The following CRY1 variants were observed in gnomAD, a reference collection of about 807,000 sequenced individuals.
CRY1 encodes the protein cryptochrome-1.
Under a neutral mutation model 76.0 loss-of-function variants are expected in CRY1, and 45 were observed. That is an observed-to-expected ratio of 0.59 (90% CI 0.47 to 0.76). The LOEUF is 0.76. Ranked by LOEUF, CRY1 falls within the 30% of genes least tolerant of loss-of-function variation. The pLI is 0.00. For missense variants in CRY1, 587 were observed against 716.4 expected (o/e 0.82, Z 2.06); for synonymous variants, 248 against 244.0 (o/e 1.02, Z -0.15).
intron 1 of CRY1, among the ~76,000 whole-genome samples, chr12:107,033,842 C>T (rs935957906): frequency 6.7e-6 from 1 of 148,290 alleles, no homozygotes; most frequent in Non-Finnish European, 1.5e-5. Context: ...CTACTCCCAC[C>T]GCTTCTCTAT....
intron 3 of CRY1, among the ~76,000 whole-genome samples, chr12:107,003,737 T>G (rs1383811292): frequency 1.3e-5 from 2 of 152,174 alleles, no homozygotes; most frequent in Non-Finnish European, 2.9e-5. Flanking sequence ...CAAAACATTT[T>G]CTATATGTTA....
chr12:107,075,811 A>G (rs973467341), intron 1 of CRY1, among the ~76,000 whole-genome samples: 4 of 152,212 alleles, frequency 2.6e-5, no homozygotes, highest in African/African-American at 9.6e-5. Flanking sequence ...ATATTATGAT[A>G]GCAGTGGGAG....
intron 10 of CRY1, among the ~76,000 whole-genome samples, chr12:106,995,571 G>A (rs1952224880): frequency 6.6e-6 from 1 of 151,918 alleles, no homozygotes; most frequent in Non-Finnish European, 1.5e-5. Context: ...AATATAACCA[G>A]GTATTGACAT....
intron 1 of CRY1, among the ~76,000 whole-genome samples, chr12:107,065,274 G>A (rs541147242): frequency 3.3e-5 from 5 of 151,902 alleles, no homozygotes; most frequent in East Asian, 3.9e-4. Flanking sequence ...AAGCCTGGGC[G>A]ACAGAGTGAG....
intron 2 of CRY1, among the ~76,000 whole-genome samples, chr12:107,014,251 G>A (rs1257860156): frequency 6.6e-6 from 1 of 152,182 alleles, no homozygotes; most frequent in East Asian, 1.9e-4. Context: ...ATCTGTAGAA[G>A]CTGTCCACCA....
At chr12:107,079,464 A>T (rs1206110747) in intron 1 of CRY1, among the ~76,000 whole-genome samples, 1 of 152,160 alleles carries the variant, frequency 6.6e-6, no homozygotes, top group Non-Finnish European at 1.5e-5. Flanking sequence ...GTCCAAAGCC[A>T]GTTTCCCTTA....
rs879707971 is a variant in CRY1, at chr12:107,074,616, C to T, written c.158+18188G>A. Among the ~76,000 whole-genome samples, 4 of 152,180 alleles carry T rather than the reference C, an allele frequency of 2.6e-5. No individual in the cohort carries two copies. The South Asian group carries it at 6.2e-4, about 24-fold the overall frequency. ...TTTATGTCAAATTTCAAAAACCTAT[C>T]GTTATATCTTTTATAATACTAAAAA... On this transcript the variant is annotated intron_variant, in intron 1 of 12. Transcript: ENST00000008527.
At chr12:107,025,947 C>T (rs1336484770) in intron 1 of CRY1, among the ~76,000 whole-genome samples, 1 of 150,924 alleles carries the variant, frequency 6.6e-6, no homozygotes, top group Non-Finnish European at 1.5e-5. Flanking sequence ...CTTGGAATAC[C>T]TTTCCCAATT....
chr12:107,007,472 T>C (rs1290147679), intron 2 of CRY1, among the ~76,000 whole-genome samples: 2 of 152,120 alleles, frequency 1.3e-5, no homozygotes, highest in African/African-American at 4.8e-5. Flanking sequence ...TATAGAGTGT[T>C]TAGGACAGAG....
intron 1 of CRY1, among the ~76,000 whole-genome samples, chr12:107,029,942 G>A (rs1260605400): frequency 6.6e-6 from 1 of 152,092 alleles, no homozygotes; most frequent in African/African-American, 2.4e-5. Context: ...TATGGGGAGC[G>A]GCTTAGGCAA....
At chr12:107,032,763 CA>C (rs941258326) in intron 1 of CRY1, among the ~76,000 whole-genome samples, 8 of 152,208 alleles carry the variant, frequency 5.3e-5, no homozygotes, top group African/African-American at 1.9e-4. Flanking sequence ...GAGCTGTGAT[CA>C]CTTCCCTGCA....
intron 1 of CRY1, among the ~76,000 whole-genome samples, chr12:107,036,512 G>A (rs1952734560): frequency 6.6e-6 from 1 of 151,454 alleles, no homozygotes; most frequent in South Asian, 2.1e-4. Context: ...TCACCCAGAT[G>A]CCAAGTGGTC....
At chr12:107,019,739 G>A (rs1001597014) in intron 2 of CRY1, among the ~76,000 whole-genome samples, 1 of 152,020 alleles carries the variant, frequency 6.6e-6, no homozygotes, top group Non-Finnish European at 1.5e-5. Flanking sequence ...ACTAGCCTGA[G>A]CAACATAGCA....
chr12:107,037,542 A>G (rs1459106027), intron 1 of CRY1, among the ~76,000 whole-genome samples: 1 of 152,066 alleles, frequency 6.6e-6, no homozygotes, highest in Non-Finnish European at 1.5e-5. Context: ...CAAAAAAAAA[A>G]GGAAAATGAT....
intron 1 of CRY1, among the ~76,000 whole-genome samples, chr12:107,090,327 A>C (rs1953456173): frequency 6.6e-6 from 1 of 152,180 alleles, no homozygotes; most frequent in African/African-American, 2.4e-5. Context: ...TCCGGGCCTC[A>C]AGTGATCTGC....
chr12:107,087,422 C>T (rs1274777276), intron 1 of CRY1, among the ~76,000 whole-genome samples: 1 of 152,092 alleles, frequency 6.6e-6, no homozygotes, highest in Non-Finnish European at 1.5e-5. Context: ...CCCAAGGCTT[C>T]AAGAGCCCAC....
In CRY1 at chr12:106,993,055, C is replaced by T; in HGVS notation, c.1586-19G>A. ...GAGCAACCTGTTAGTATTTAAAACACAGTAAAATTACTTAAAATCAAATCC... is the reference window on the plus strand; with the variant it reads ...GAGCAACCTGTTAGTATTTAAAACATAGTAAAATTACTTAAAATCAAATCC... On this transcript the variant is annotated intron_variant, in intron 10 of 12. Coordinates refer to ENST00000008527, the MANE Select transcript of CRY1 (RefSeq NM_004075.5). 6.2e-7 allele frequency: 1 copy of T among 1,611,312 alleles called. No homozygotes were observed. The highest frequency in any genetic ancestry group is 8.5e-7 in the Non-Finnish European group (1 of 1,177,798).
In CRY1 at chr12:107,026,420, G is replaced by A. The variant is rs548614967; in HGVS notation, c.159-4228C>T. Among the ~76,000 whole-genome samples, 10 of 151,846 alleles carry A rather than the reference G, an allele frequency of 6.6e-5. No individual in the cohort carries two copies. The East Asian group carries it at 2.0e-3, about 30-fold the overall frequency. On this transcript the variant is annotated intron_variant, in intron 1 of 12. Coordinates refer to ENST00000008527, the MANE Select transcript of CRY1 (RefSeq NM_004075.5). ...TAATTATTTTTGTATTTTTAGTAGA[G>A]ATAGGGTTTCACCATGTTGGCCAGG...
chr12:107,060,378 C>T (rs911810864), intron 1 of CRY1, among the ~76,000 whole-genome samples: 2 of 152,116 alleles, frequency 1.3e-5, no homozygotes, highest in South Asian at 2.1e-4. Flanking sequence ...CTCTCTTGTC[C>T]TCTCTTTGCT....
Sources: allele counts gnomAD v4.1 joint callset (sites outside exome capture counted in the v4.1 genomes callset), GRCh38; gene constraint gnomAD v4.1.1; transcripts MANE v1.5; gene names NCBI Gene and HGNC (gene_info 2026-07-23, HGNC 2026-07-21).